Variants in FHAD1 observed in about 807,000 individuals in gnomAD.
FHAD1 encodes forkhead associated phosphopeptide binding domain 1, also known as forkhead-associated domain-containing protein 1.
Under a neutral mutation model 191.3 loss-of-function variants are expected in FHAD1, and 146 were observed. The ratio of observed to expected loss-of-function variants is 0.76; its 90% confidence interval spans 0.67 to 0.88. The LOEUF is 0.88. Among genes scored for constraint, FHAD1 ranks in the 40% least tolerant of loss-of-function variants. The pLI is 0.00. For synonymous variants in FHAD1, 616 were observed against 672.3 expected, an observed-to-expected ratio of 0.92 and a Z score of 1.29; for missense variants, 1,635 against 1,785.8, an observed-to-expected ratio of 0.92 and a Z score of 1.52.
chr1:15,383,661 A>C (rs901995709), intron 31 of FHAD1: 2 of 302,396 alleles, frequency 6.6e-6, no homozygotes, highest in Non-Finnish European at 1.3e-5. Context: ...GGCTGGGGTT[A>C]GGCAAGTCAG....
chr1:15,293,570 TA>T (rs1182687697), intron 4 of FHAD1, among the ~76,000 whole-genome samples: 1 of 152,060 alleles, frequency 6.6e-6, no homozygotes, highest in African/African-American at 2.4e-5. Flanking sequence ...ATACAAAAAT[TA>T]GCTGGGTGTG....
intron 20 of FHAD1, chr1:15,357,686 G>A (rs1445910418): frequency 6.5e-6 from 1 of 155,038 alleles, no homozygotes; most frequent in Non-Finnish European, 1.4e-5. Context: ...GAGATGCCCA[G>A]GACAGGGCCG....
rs1181740287 is a variant in FHAD1, at chr1:15,311,447, T to C, written c.1040-1610T>C. On this transcript the variant is annotated intron_variant, in intron 7 of 33. Coordinates refer to ENST00000688493, the MANE Select transcript of FHAD1 (RefSeq NM_001391957.1). This position sits in a 1 kb window ranked among gnomAD's most constrained non-coding sequence, Gnocchi z 4.1. The stretch of plus-strand genomic sequence containing the variant: ...GCAACCTTGCACTACACAGGGCACC[T>C]GGTAGAGACTCAAGCCAAATTCATT... Among the ~76,000 whole-genome samples, 1 of 152,190 alleles carries C rather than the reference T, an allele frequency of 6.6e-6. No individual in the cohort carries two copies. Among genetic ancestry groups the C allele is most frequent in the Non-Finnish European group, 1.5e-5 (1 of 68,038 alleles).
intron 2 of FHAD1, among the ~76,000 whole-genome samples, chr1:15,264,581 C>A (rs1041448770): frequency 1.6e-5 from 2 of 126,720 alleles, no homozygotes; most frequent in African/African-American, 5.6e-5. Context: ...TGTGTGTGAT[C>A]TTTAGGGCTT....
In FHAD1 at chr1:15,381,254, C is replaced by A. The variant is rs1558285463; in HGVS notation, c.3825C>A (p.Leu1275=). The A allele has an allele frequency of 6.4e-7, 1 of 1,551,530 alleles. No homozygotes were observed. The change falls in exon 30 of 34, where the codon CTC becomes CTA. Residue 1275 remains leucine (L), a synonymous_variant. Transcript: ENST00000688493. This position sits in a 1 kb window ranked among gnomAD's most constrained non-coding sequence, Gnocchi z 4.6. The stretch of plus-strand genomic sequence containing the variant: ...AGTACCTGGATATGAGCAAAACCCT[C>A]GGAAGTCTCATGAACATCAAGAATA... ...EKLYLDMSKT[L]GSLMNIKNMS... is the part of the protein sequence containing the mutation.
chr1:15,384,985 C>T (rs959543250), intron 31 of FHAD1, among the ~76,000 whole-genome samples: 2 of 151,586 alleles, frequency 1.3e-5, no homozygotes, highest in Non-Finnish European at 2.9e-5. Flanking sequence ...ATCCACTCAT[C>T]CCCCCTATTC....
chr1:15,345,235 C>T, intron 17 of FHAD1, 45 bp downstream of exon 17: 1 of 1,499,912 alleles, frequency 6.7e-7, no homozygotes, highest in South Asian at 1.2e-5. Context: ...CCCACTGCAG[C>T]TAGGAAGGGT....
intron 16 of FHAD1, among the ~76,000 whole-genome samples, chr1:15,342,629 T>G (rs1478677594): frequency 3.3e-5 from 5 of 152,172 alleles, no homozygotes; most frequent in African/African-American, 4.8e-5. Context: ...CTGTATTATT[T>G]AATGAGCTGA....
At chr1:15,280,999 T>C (rs1196838284) in intron 3 of FHAD1, among the ~76,000 whole-genome samples, 1 of 152,226 alleles carries the variant, frequency 6.6e-6, no homozygotes, top group African/African-American at 2.4e-5. Context: ...GGAAATAGTA[T>C]GTAACTTGGC....
intron 19 of FHAD1, among the ~76,000 whole-genome samples, chr1:15,350,070 A>G (rs1690293371): frequency 6.6e-6 from 1 of 152,252 alleles, no homozygotes; most frequent in Non-Finnish European, 1.5e-5. Context: ...TTCCAGAAAC[A>G]GAGCTGATGG....
intron 18 of FHAD1, 73 bp downstream of exon 18, chr1:15,345,596 C>A: frequency 8.3e-7 from 1 of 1,199,860 alleles, no homozygotes; most frequent in Non-Finnish European, 1.2e-6. Context: ...TTCAGAGCGG[C>A]GATGATGGGG....
At chr1:15,281,396 A>G (rs968570983) in intron 3 of FHAD1, among the ~76,000 whole-genome samples, 1 of 152,220 alleles carries the variant, frequency 6.6e-6, no homozygotes, top group Non-Finnish European at 1.5e-5. Flanking sequence ...TAGTGGTTCC[A>G]TGTGGATTTT....
chr1:15,362,675 T>C lies in FHAD1; in HGVS notation c.2996T>C (p.Val999Ala). 1.3e-6 allele frequency: 2 copies of C among 1,551,828 alleles called. No individual in the cohort carries two copies. The highest frequency in any genetic ancestry group is 2.7e-5 in the African/African-American group (2 of 73,200). Residue 999 changes from valine to alanine, a missense_variant, in exon 23 of 34, where the codon GTG becomes GCG. Physicochemically the swap from Val to Ala is moderately conservative, Grantham distance 64 (BLOSUM62 0). Transcript: ENST00000688493. ...PKEERPQDPL[V>A]APMTESSAKD... ...GAGGAAAGGCCGCAAGACCCTCTGGTGGCTCCCATGACAGAGAGCAGTGCC... is the reference window on the plus strand; with the variant it reads ...GAGGAAAGGCCGCAAGACCCTCTGGCGGCTCCCATGACAGAGAGCAGTGCC...
chr1:15,275,118 A>G (rs1372289731), intron 3 of FHAD1, among the ~76,000 whole-genome samples: 1 of 151,998 alleles, frequency 6.6e-6, no homozygotes, highest in Non-Finnish European at 1.5e-5. Flanking sequence ...GCCCACCACC[A>G]TGCCTGGCTA....
intron 32 of FHAD1, chr1:15,388,463 A>G (rs1003763298): frequency 2.6e-5 from 27 of 1,046,166 alleles, no homozygotes; most frequent in Non-Finnish European, 3.3e-5. Context: ...GCTTCAGCTC[A>G]TGGAGCAGCC....
chr1:15,382,261 G>A (rs1261442459), intron 31 of FHAD1, 68 bp downstream of exon 31: 1 of 1,487,384 alleles, frequency 6.7e-7, no homozygotes, highest in Non-Finnish European at 9.1e-7. Context: ...AATGGCCGAG[G>A]GTGGTCCCTG....
intron 33 of FHAD1, among the ~76,000 whole-genome samples, chr1:15,396,668 G>C (rs957383391): frequency 6.6e-6 from 1 of 151,918 alleles, no homozygotes; most frequent in Non-Finnish European, 1.5e-5. Flanking sequence ...AAATTAGCCG[G>C]GTGTGGCGGC....
chr1:15,390,260 G>A (rs1480648738), intron 32 of FHAD1, among the ~76,000 whole-genome samples: 1 of 146,770 alleles, frequency 6.8e-6, no homozygotes, highest in Non-Finnish European at 1.5e-5. Flanking sequence ...CAGGAGAATT[G>A]CTTGAACCTG....
At chr1:15,302,696 C>T (rs1377718887) in intron 6 of FHAD1, among the ~76,000 whole-genome samples, 5 of 150,846 alleles carry the variant, frequency 3.3e-5, no homozygotes, top group Non-Finnish European at 5.9e-5. Flanking sequence ...TCAGCCTGGG[C>T]GACAGAGCGA....
Sources: allele counts gnomAD v4.1 joint callset (sites outside exome capture counted in the v4.1 genomes callset), GRCh38; gene constraint gnomAD v4.1.1; non-coding constraint Gnocchi (gnomAD v3.1); transcripts MANE v1.5; gene names NCBI Gene and HGNC (gene_info 2026-07-23, HGNC 2026-07-21).